PLGRKT: variants seen among roughly 807,000 people sequenced by gnomAD.
PLGRKT encodes plasminogen receptor with a C-terminal lysine.
In PLGRKT, 22 loss-of-function variants were observed where a neutral mutation model predicts 18.5. The observed-to-expected ratio is 1.19, with a 90% confidence interval of 0.85 to 1.70. The LOEUF (loss-of-function observed/expected upper bound fraction) is 1.70, where lower values mean the gene tolerates loss of function less well. Ranked by LOEUF, PLGRKT falls within the 40% of genes most tolerant of loss-of-function variation. The pLI is 0.00. For missense variants in PLGRKT, 235 were observed against 174.4 expected, an observed-to-expected ratio of 1.35 and a Z score of -1.96; for synonymous variants, 72 against 52.8, an observed-to-expected ratio of 1.36 and a Z score of -1.58.
chr9:5,390,666 G>C (rs1817934163), intron 3 of PLGRKT, among the ~76,000 whole-genome samples: 2 of 151,776 alleles, frequency 1.3e-5, no homozygotes, highest in African/African-American at 4.9e-5. Context: ...TCTCAACCAT[G>C]GCATTCCTCC....
At chr9:5,378,075 C>T (rs1042440957) in intron 3 of PLGRKT, among the ~76,000 whole-genome samples, 1 of 152,144 alleles carries the variant, frequency 6.6e-6, no homozygotes, top group Admixed American at 6.6e-5. Flanking sequence ...CCAAAAGGCC[C>T]ACAGACTGCA....
At chr9:5,381,806 T>C (rs989847434) in intron 3 of PLGRKT, 17 of 838,418 alleles carry the variant, frequency 2.0e-5, no homozygotes, top group Non-Finnish European at 2.3e-5. Flanking sequence ...TGGCCAACAA[T>C]TGTAGTTTTA....
chr9:5,371,471 T>C (rs1475000457), intron 3 of PLGRKT, among the ~76,000 whole-genome samples: 1 of 152,172 alleles, frequency 6.6e-6, no homozygotes, highest in Non-Finnish European at 1.5e-5. Flanking sequence ...TCTGATGGGT[T>C]TATCAGGGGT....
At chr9:5,414,465 T>C (rs1234377766) in intron 3 of PLGRKT, among the ~76,000 whole-genome samples, 1 of 152,168 alleles carries the variant, frequency 6.6e-6, no homozygotes, top group Non-Finnish European at 1.5e-5. Context: ...ACCGTGAATG[T>C]ATCTTTTTTA....
At chr9:5,391,821 T>C (rs1586720976) in intron 3 of PLGRKT, among the ~76,000 whole-genome samples, 1 of 152,032 alleles carries the variant, frequency 6.6e-6, no homozygotes, top group East Asian at 1.9e-4. Flanking sequence ...AGGTTCTCTG[T>C]AGGAATTAGG....
intron 3 of PLGRKT, among the ~76,000 whole-genome samples, chr9:5,417,814 AC>A (rs766994037): frequency 1.2e-4 from 18 of 152,188 alleles, no homozygotes; most frequent in Admixed American, 2.0e-4. Flanking sequence ...TCAAAAAAAA[AC>A]GACTGTCCAT....
chr9:5,407,393 G>C (rs75196455), intron 3 of PLGRKT, among the ~76,000 whole-genome samples: 4,756 of 152,128 alleles, frequency 0.031, 80 homozygotes, highest in Non-Finnish European at 0.046. Flanking sequence ...AATCTAAATT[G>C]TTCTTCTTCC....
intron 3 of PLGRKT, among the ~76,000 whole-genome samples, chr9:5,395,583 C>T (rs1271239894): frequency 6.6e-6 from 1 of 151,864 alleles, no homozygotes; most frequent in African/African-American, 2.4e-5. Flanking sequence ...GCAGGTGAAA[C>T]AAGCATTAAA....
At chr9:5,364,607 G>C (rs911079515) in intron 3 of PLGRKT, among the ~76,000 whole-genome samples, 1 of 152,140 alleles carries the variant, frequency 6.6e-6, no homozygotes, top group East Asian at 1.9e-4. Context: ...ATGAAGGGTT[G>C]GGGGAAAAGA....
rs1484268175 is a variant in PLGRKT, at chr9:5,361,063, T to C, written c.322+15A>G. 2 of 1,276,426 alleles carry C rather than the reference T, an allele frequency of 1.6e-6. No homozygotes were observed. Among genetic ancestry groups the C allele is most frequent in the Non-Finnish European group, 2.3e-6 (2 of 886,592 alleles). 79.1% of individuals were successfully genotyped at this position (1,276,426 alleles called of 1,614,324 possible). On this transcript the variant is annotated intron_variant, in intron 5 of 5. Transcript: ENST00000223864. ...TAAATCAGCAAATAGAAACTCTAGT[T>C]TACCAAAGACTTACCTTTCATTCTT...
In PLGRKT at chr9:5,403,294, G is replaced by A. The variant is rs140400573; in HGVS notation, c.81+28603C>T. Among the ~76,000 whole-genome samples the A allele has an allele frequency of 4.5e-3, 664 of 146,972 alleles. 18 individuals are homozygous for A. The highest frequency in any genetic ancestry group is 0.016 in the African/African-American group (646 of 39,262). On this transcript the variant is annotated intron_variant, in intron 3 of 5. Transcript: ENST00000223864. ...GCTGGAGTACAATGGTGCGATCTCC[G>A]CTCACTGCAACCTCTGCCTCCCGGG...
rs116361254 is a variant in PLGRKT, at chr9:5,420,512, G to A, written c.81+11385C>T. Among the ~76,000 whole-genome samples the A allele has an allele frequency of 8.2e-3, 1,246 of 152,280 alleles. 22 individuals are homozygous for A. The highest frequency in any genetic ancestry group is 0.029 in the African/African-American group (1,212 of 41,552). ...GGGGACAGGAGGTATGGGCAGAAATGAGCCCCAGAACGAAAAGCTAAATAC... is the reference window on the plus strand; with the variant it reads ...GGGGACAGGAGGTATGGGCAGAAATAAGCCCCAGAACGAAAAGCTAAATAC... On this transcript the variant is annotated intron_variant, in intron 3 of 5. Coordinates refer to ENST00000223864, the MANE Select transcript of PLGRKT (RefSeq NM_018465.4).
intron 3 of PLGRKT, among the ~76,000 whole-genome samples, chr9:5,396,822 C>A (rs1311645866): frequency 1.3e-5 from 2 of 151,874 alleles, no homozygotes; most frequent in African/African-American, 4.9e-5. Context: ...CAGATGGAAG[C>A]CAGCTATGGA....
intron 3 of PLGRKT, among the ~76,000 whole-genome samples, chr9:5,376,466 T>C (rs1054086237): frequency 2.0e-5 from 3 of 152,158 alleles, no homozygotes; most frequent in African/African-American, 7.2e-5. Context: ...TCTGAGGTTG[T>C]TTTGAGACTT....
chr9:5,425,574 T>C (rs182564440), intron 3 of PLGRKT, among the ~76,000 whole-genome samples: 101 of 152,280 alleles, frequency 6.6e-4, no homozygotes, highest in African/African-American at 2.3e-3. Context: ...ATTATAATTA[T>C]GTAGCATCAC....
At chr9:5,417,711 T>A (rs536840753) in intron 3 of PLGRKT, among the ~76,000 whole-genome samples, 1 of 151,988 alleles carries the variant, frequency 6.6e-6, no homozygotes, top group South Asian at 2.1e-4. Flanking sequence ...GGCTTTCAGT[T>A]TAATAAACAC....
intron 3 of PLGRKT, among the ~76,000 whole-genome samples, chr9:5,404,004 A>G (rs562535343): frequency 1.3e-5 from 2 of 152,360 alleles, no homozygotes; most frequent in African/African-American, 2.4e-5. Flanking sequence ...AAACACCTCT[A>G]TGCAAATAAA....
At chr9:5,391,167 C>T (rs1340031550) in intron 3 of PLGRKT, among the ~76,000 whole-genome samples, 1 of 151,948 alleles carries the variant, frequency 6.6e-6, no homozygotes. Context: ...GCATCATTAA[C>T]TTTATCTAAA....
At chr9:5,366,423 T>C (rs1195073949) in intron 3 of PLGRKT, among the ~76,000 whole-genome samples, 3 of 152,180 alleles carry the variant, frequency 2.0e-5, no homozygotes, top group Non-Finnish European at 4.4e-5. Flanking sequence ...TCTCTGGACC[T>C]TTTGATACTG....
Sources: gnomAD v4.1 joint callset for allele counts (sites outside exome capture counted in the v4.1 genomes callset) on GRCh38, gnomAD v4.1.1 for gene constraint, MANE v1.5 for transcripts, NCBI Gene and HGNC (gene_info 2026-07-23, HGNC 2026-07-21) for gene names.